Variants in GPR176 observed in about 807,000 individuals in gnomAD.
The protein encoded by GPR176 is G-protein coupled receptor 176.
In GPR176, 26 loss-of-function variants were observed where a neutral mutation model predicts 35.4. The observed-to-expected ratio is 0.74, with a 90% CI of 0.54 to 1.02. The LOEUF is 1.02. Ranked by LOEUF, GPR176 falls within the 50% of genes least tolerant of loss-of-function variation. The pLI is 0.00. For missense variants in GPR176, 597 were observed against 665.3 expected, an observed-to-expected ratio of 0.90 and a Z score of 1.13; for synonymous variants, 278 against 271.3, an observed-to-expected ratio of 1.02 and a Z score of -0.24.
In GPR176 at chr15:39,801,299, G is replaced by C; in HGVS notation, c.1381C>G (p.Pro461Ala). ...CGGGTCTCTGAGAGCCACTGAGGAG[G>C]CAACTCAAAAGGCCCAAAGCCAAAC... The part of the protein sequence containing the change: ...LQFGFGPFEL[P>A]PQWLSETRNS... The change falls in exon 3 of 3, where the codon CCT becomes GCT. Residue 461 changes from proline (P) to alanine (A), a missense_variant. Physicochemically the swap from Pro to Ala is conservative, Grantham distance 27 (BLOSUM62 -1). Transcript: ENST00000561100. 1.2e-6 allele frequency: 2 copies of C among 1,614,138 alleles called. No homozygotes were observed. Among genetic ancestry groups the C allele is most frequent in the South Asian group, 1.1e-5 (1 of 91,078 alleles).
chr15:39,882,542 A>T (rs2032515984), intron 1 of GPR176, among the ~76,000 whole-genome samples: 1 of 152,216 alleles, frequency 6.6e-6, no homozygotes, highest in Non-Finnish European at 1.5e-5. Flanking sequence ...AAATTGGAAA[A>T]GGTTCACTAG....
chr15:39,814,353 T>C (rs893867655), intron 1 of GPR176, among the ~76,000 whole-genome samples: 1 of 152,246 alleles, frequency 6.6e-6, no homozygotes, highest in Admixed American at 6.5e-5. Flanking sequence ...CAATTTTTAA[T>C]CCATTCTCAA....
chr15:39,860,418 C>A (rs1455748926), intron 1 of GPR176, among the ~76,000 whole-genome samples: 1 of 152,240 alleles, frequency 6.6e-6, no homozygotes, highest in South Asian at 2.1e-4. Context: ...AGAACAGAAG[C>A]AAGGCTGACT....
chr15:39,912,019 T>C (rs2033591312), intron 1 of GPR176, among the ~76,000 whole-genome samples: 1 of 152,122 alleles, frequency 6.6e-6, no homozygotes, highest in South Asian at 2.1e-4. Flanking sequence ...AGGAATGGAA[T>C]ACAGATACTG....
chr15:39,910,629 G>A (rs1224860965), intron 1 of GPR176, among the ~76,000 whole-genome samples: 1 of 152,104 alleles, frequency 6.6e-6, no homozygotes, highest in East Asian at 1.9e-4. Flanking sequence ...GACAAAGACA[G>A]GAAGAAGTTT....
At chr15:39,908,564 CT>C (rs1325467761) in intron 1 of GPR176, among the ~76,000 whole-genome samples, 3 of 133,350 alleles carry the variant, frequency 2.2e-5, no homozygotes, top group African/African-American at 5.7e-5. Flanking sequence ...TTTTTTTTTT[CT>C]TTTTTTTGTT....
intron 1 of GPR176, among the ~76,000 whole-genome samples, chr15:39,904,512 C>G (rs1381355034): frequency 6.6e-6 from 1 of 152,240 alleles, no homozygotes; most frequent in East Asian, 1.9e-4. Context: ...CACTGTGAGT[C>G]CTACTTACCC....
At chr15:39,889,548 A>AAAAATAAAAT (rs201122190) in intron 1 of GPR176, among the ~76,000 whole-genome samples, 4,902 of 132,680 alleles carry the variant, frequency 0.037, 119 homozygotes, top group Middle Eastern at 0.052. Context: ...ATTCCATCTC[A>AAAAATAAAAT]AAAATAAAAT....
intron 1 of GPR176, among the ~76,000 whole-genome samples, chr15:39,857,795 C>CGTCTCCCCT (rs2031325284): frequency 6.7e-6 from 1 of 150,128 alleles, no homozygotes; most frequent in Non-Finnish European, 1.5e-5. Context: ...GGTGAAACCC[C>CGTCTCCCCT]GTCTCTACTA....
At chr15:39,894,165 G>A (rs1278543911) in intron 1 of GPR176, among the ~76,000 whole-genome samples, 1 of 127,780 alleles carries the variant, frequency 7.8e-6, no homozygotes, top group Non-Finnish European at 1.7e-5. Flanking sequence ...CGGATGGGGC[G>A]GCTGGCCTGG....
intron 1 of GPR176, among the ~76,000 whole-genome samples, chr15:39,891,941 G>A (rs1416890729): frequency 1.3e-5 from 2 of 152,214 alleles, no homozygotes; most frequent in Non-Finnish European, 1.5e-5. Context: ...AAGCTATCAA[G>A]CAGACCAACT....
chr15:39,877,847 C>A (rs750248658), intron 1 of GPR176, among the ~76,000 whole-genome samples: 4 of 152,068 alleles, frequency 2.6e-5, no homozygotes, highest in Non-Finnish European at 5.9e-5. Flanking sequence ...CAGGAGTGAG[C>A]CACCGCACCC....
intron 1 of GPR176, among the ~76,000 whole-genome samples, chr15:39,836,212 T>C (rs926967644): frequency 2.0e-5 from 3 of 152,154 alleles, no homozygotes; most frequent in East Asian, 1.9e-4. Context: ...AACACTGATA[T>C]TGTTTGTCAG....
At chr15:39,867,835 T>C (rs995892548) in intron 1 of GPR176, among the ~76,000 whole-genome samples, 1 of 152,064 alleles carries the variant, frequency 6.6e-6, no homozygotes, top group African/African-American at 2.4e-5. Context: ...TCTAGACTGC[T>C]CAGGACCATC....
At position 39,909,892 on chromosome 15, in the gene GPR176, C is replaced by A. The variant is rs1018584698; in HGVS notation, c.172+9963G>T. ...ATTACCTGTTGTATATTTCATTTGG[C>A]AAGCTAGTCCTTTTAAAGCCCGAAC... On this transcript the variant is annotated intron_variant, in intron 1 of 2. Coordinates refer to ENST00000561100, the MANE Select transcript of GPR176 (RefSeq NM_007223.3). 8 of 979,872 alleles carry A rather than the reference C, an allele frequency of 8.2e-6. No homozygotes were observed. In the South Asian group the frequency reaches 2.4e-4, roughly 29 times the overall value. The allele number at this position is 979,872 out of a possible 1,614,324, so 60.7% of individuals were successfully genotyped here.
intron 1 of GPR176, among the ~76,000 whole-genome samples, chr15:39,836,953 G>C (rs187894467): frequency 1.3e-5 from 2 of 152,116 alleles, no homozygotes; most frequent in Admixed American, 6.5e-5. Context: ...CTATATATGG[G>C]GACATCTGAC....
At chr15:39,894,925 C>G (rs1017361319) in intron 1 of GPR176, among the ~76,000 whole-genome samples, 4 of 152,170 alleles carry the variant, frequency 2.6e-5, no homozygotes, top group African/African-American at 9.7e-5. Context: ...CGCCACTGCA[C>G]TCCAGCCTGG....
chr15:39,868,945 G>A (rs2140836529), intron 1 of GPR176, among the ~76,000 whole-genome samples: 1 of 151,686 alleles, frequency 6.6e-6, no homozygotes, highest in East Asian at 1.9e-4. Flanking sequence ...AAATGGGCTT[G>A]CTAGTGAAGT....
chr15:39,873,618 TTTC>T (rs977154996), intron 1 of GPR176, among the ~76,000 whole-genome samples: 11 of 121,404 alleles, frequency 9.1e-5, no homozygotes, highest in African/African-American at 3.4e-4. Context: ...TAGTTTTTCT[TTTC>T]TTTTTTTTTT....
Sources: allele counts gnomAD v4.1 joint callset (sites outside exome capture counted in the v4.1 genomes callset), GRCh38; gene constraint gnomAD v4.1.1; transcripts MANE v1.5; gene names NCBI Gene and HGNC (gene_info 2026-07-23, HGNC 2026-07-21).